Variants in GRAMD4 observed in about 807,000 individuals in gnomAD.
The protein encoded by GRAMD4 is GRAM domain containing 4, also known as GRAM domain-containing protein 4.
In GRAMD4, 25 loss-of-function variants were observed where a neutral mutation model predicts 83.9. The observed-to-expected ratio is 0.30, with a 90% CI of 0.22 to 0.42. The LOEUF (loss-of-function observed/expected upper bound fraction) is 0.42, where lower values mean the gene tolerates loss of function less well. Among genes scored for constraint, GRAMD4 ranks in the 10% least tolerant of loss-of-function variants. The probability of loss-of-function intolerance (pLI) is 1.00; values close to 1 mark genes in which losing one functional copy is unlikely to be tolerated. For synonymous variants in GRAMD4, 336 were observed against 320.9 expected (o/e 1.05, Z -0.50); for missense variants, 593 against 788.7 (o/e 0.75, Z 2.97).
rs2082633819 is a variant in GRAMD4, at chr22:46,678,628, ATTG to A, written c.*1383_*1385del. 5 of 985,326 alleles carry A rather than the reference ATTG, an allele frequency of 5.1e-6. No homozygotes were observed. The highest frequency in any genetic ancestry group is 6.0e-6 in the Non-Finnish European group (5 of 829,920). The allele number at this position is 985,326 out of a possible 1,614,324, so 61.0% of individuals were successfully genotyped here. ...CCTGAGTCCCTTGGGTGTCGTTGAGATTGTTGTTTTTTGAAGAAACAGAAGATT... is the reference window on the plus strand; with the variant it reads ...CCTGAGTCCCTTGGGTGTCGTTGAGATTGTTTTTTGAAGAAACAGAAGATT... On this transcript the variant is annotated 3_prime_UTR_variant, in exon 19 of 19. Coordinates refer to ENST00000406902, the MANE Select transcript of GRAMD4 (RefSeq NM_015124.5).
At chr22:46,673,873 A>AG in intron 15 of GRAMD4, 59 bp downstream of exon 15, 1 of 1,583,544 alleles carries the variant, frequency 6.3e-7, no homozygotes, top group Non-Finnish European at 8.6e-7. Flanking sequence ...AAGGCCCGTG[A>AG]GGGGGGCGCT....
intron 3 of GRAMD4, among the ~76,000 whole-genome samples, chr22:46,653,960 C>T (rs1260030755): frequency 1.3e-5 from 2 of 152,294 alleles, no homozygotes; most frequent in East Asian, 1.9e-4. Flanking sequence ...GGAAACACCC[C>T]GTGGCTCTCT....
intron 14 of GRAMD4, 67 bp downstream of exon 14, chr22:46,673,064 C>T (rs1366075047): frequency 5.4e-6 from 7 of 1,308,280 alleles, no homozygotes; most frequent in South Asian, 1.3e-5. Flanking sequence ...TCCCCAGGCC[C>T]ACAGTGCTCT....
chr22:46,653,672 T>C (rs918868476), intron 3 of GRAMD4, among the ~76,000 whole-genome samples: 2 of 152,080 alleles, frequency 1.3e-5, no homozygotes, highest in Non-Finnish European at 2.9e-5. Flanking sequence ...TTTAGGAAAA[T>C]GTGGTTTCCT....
chr22:46,675,784 G>A (rs1410311994), intron 17 of GRAMD4, among the ~76,000 whole-genome samples: 63 of 152,188 alleles, frequency 4.1e-4, no homozygotes, highest in Admixed American at 4.1e-3. Context: ...GAGGGGCTGG[G>A]TTGGAGCCCA....
chr22:46,583,003 C>T lies in GRAMD4; in HGVS notation c.-50+5713C>T, dbSNP rs138085216. On this transcript the variant is annotated intron_variant, in intron 1 of 1. Transcript: ENST00000431155. ...GCAATGGTGCGATCTCAGCTCACCA[C>T]AACCTCCGCCTCCCGGGTTCAAGCG... Among the ~76,000 whole-genome samples, 82 of 152,350 alleles carry T rather than the reference C, an allele frequency of 5.4e-4. No individual in the cohort carries two copies. The East Asian group carries it at 0.015, about 28-fold the overall frequency.
At chr22:46,590,991 C>T (rs1340711506) in intron 1 of GRAMD4, among the ~76,000 whole-genome samples, 2 of 151,702 alleles carry the variant, frequency 1.3e-5, no homozygotes, top group African/African-American at 2.4e-5. Flanking sequence ...ACCTGGGAGG[C>T]GGAGATTGCA....
At chr22:46,615,784 G>T (rs1429192531), upstream of GRAMD4, among the ~76,000 whole-genome samples, 6 of 25,320 alleles carry the variant, frequency 2.4e-4, 1 homozygote, top group African/African-American at 8.4e-4. Flanking sequence ...TCCCCTGTGC[G>T]TGTAGGTTCC....
rs2081597383 is a variant in GRAMD4, at chr22:46,622,902, A to C, written c.-50+2337A>C. On this transcript the variant is annotated intron_variant, in intron 1 of 18. Coordinates refer to ENST00000406902, the MANE Select transcript of GRAMD4 (RefSeq NM_015124.5). This position sits in a 1 kb window ranked among gnomAD's most constrained non-coding sequence, Gnocchi z 4.0. ...ACTCCAGCCTGGGCGACAGAGCAAGACTCCATCTCTAAAAAAAAAAAAAAA... is the reference window on the plus strand; with the variant it reads ...ACTCCAGCCTGGGCGACAGAGCAAGCCTCCATCTCTAAAAAAAAAAAAAAA... 6.9e-6 allele frequency among the ~76,000 whole-genome samples: 1 copy of C among 144,420 alleles called. No homozygotes were observed. The highest frequency in any genetic ancestry group is 2.2e-4 in the South Asian group (1 of 4,466). The allele number at this position is 144,420 out of a possible 152,430, so 94.7% of individuals were successfully genotyped here. A position where few individuals can be genotyped will look rare whatever the true frequency, so the allele number is the denominator to read the frequency against.
At chr22:46,596,782 C>G (rs540172222) in intron 1 of GRAMD4, among the ~76,000 whole-genome samples, 98 of 152,298 alleles carry the variant, frequency 6.4e-4, no homozygotes, top group African/African-American at 2.2e-3. Flanking sequence ...AACTCCTGAC[C>G]TCAGGTAATC....
intron 2 of GRAMD4, among the ~76,000 whole-genome samples, 164 bp from the exon 3 acceptor site, chr22:46,637,676 T>C (rs1045141938): frequency 1.3e-5 from 2 of 151,478 alleles, no homozygotes; most frequent in Non-Finnish European, 2.9e-5. Flanking sequence ...CGTCGCCCCA[T>C]CTGACTGCTG....
At chr22:46,643,960 C>T (rs956784567) in intron 3 of GRAMD4, among the ~76,000 whole-genome samples, 3 of 152,160 alleles carry the variant, frequency 2.0e-5, no homozygotes, top group Non-Finnish European at 4.4e-5. Flanking sequence ...CCTTGCACCC[C>T]GCCCCCATTT....
intron 13 of GRAMD4, among the ~76,000 whole-genome samples, chr22:46,671,626 T>C (rs1450071491): frequency 6.8e-6 from 1 of 147,770 alleles, no homozygotes; most frequent in South Asian, 2.2e-4. Flanking sequence ...GCTGCACTCC[T>C]GCCTGGGCGA....
intron 3 of GRAMD4, among the ~76,000 whole-genome samples, chr22:46,648,835 GATGGATGGATGC>G (rs1418907413): frequency 6.4e-4 from 93 of 144,382 alleles, no homozygotes; most frequent in South Asian, 1.1e-3. Context: ...TGGATGGATG[GATGGATGGATGC>G]ATGGATGGAT....
chr22:46,662,701 A>C (rs1406244534), intron 5 of GRAMD4, among the ~76,000 whole-genome samples: 1 of 152,172 alleles, frequency 6.6e-6, no homozygotes, highest in Non-Finnish European at 1.5e-5. Context: ...TGGGCCGAGC[A>C]GCCTGGATGG....
intron 1 of GRAMD4, among the ~76,000 whole-genome samples, chr22:46,605,556 A>G (rs2081356550): frequency 6.6e-6 from 1 of 152,252 alleles, no homozygotes; most frequent in African/African-American, 2.4e-5. Context: ...GCACCATTTT[A>G]TACCCCACAA....
chr22:46,626,814 G>C lies in GRAMD4; in HGVS notation c.15G>C (p.Leu5Phe). The C allele has an allele frequency of 6.2e-7, 1 of 1,613,896 alleles. No homozygotes were observed. The highest frequency in any genetic ancestry group is 8.5e-7 in the Non-Finnish European group (1 of 1,179,792). ...CAGTGCTGAACATGCTAAGGAGGTTGGACAAAATCAGGTTCAGAGGTCACA... is the reference window on the plus strand; with the variant it reads ...CAGTGCTGAACATGCTAAGGAGGTTCGACAAAATCAGGTTCAGAGGTCACA... MLRR[L>F]DKIRFRGHKR... The change falls in exon 2 of 19, where the codon TTG becomes TTC. Residue 5 changes from leucine to phenylalanine, a missense_variant. Coordinates refer to ENST00000406902, the MANE Select transcript of GRAMD4 (RefSeq NM_015124.5).
chr22:46,682,098 G>A (rs1387934268), downstream of GRAMD4, among the ~76,000 whole-genome samples: 2 of 152,226 alleles, frequency 1.3e-5, no homozygotes, highest in Non-Finnish European at 1.5e-5. Context: ...CAAAACCCCT[G>A]GAACCAGGAA....
intron 1 of GRAMD4, among the ~76,000 whole-genome samples, chr22:46,625,640 C>T (rs891481384): frequency 2.0e-5 from 3 of 152,278 alleles, no homozygotes; most frequent in South Asian, 2.1e-4. Context: ...GCAGTCCTCC[C>T]ACGGGGACCC....
Sources: gnomAD v4.1 joint callset for allele counts (sites outside exome capture counted in the v4.1 genomes callset) on GRCh38, gnomAD v4.1.1 for gene constraint, Gnocchi (gnomAD v3.1) non-coding constraint, MANE v1.5 for transcripts, NCBI Gene and HGNC (gene_info 2026-07-23, HGNC 2026-07-21) for gene names.